Variants in RERE observed in about 807,000 individuals in gnomAD.
The protein encoded by RERE is arginine-glutamic acid dipeptide repeats, also known as arginine-glutamic acid dipeptide repeats protein.
In RERE, 40 loss-of-function variants were observed where a neutral mutation model predicts 146.1. That is an observed-to-expected ratio of 0.27 (90% CI 0.21 to 0.36). RERE has a LOEUF of 0.36. RERE is among the 10% of genes least tolerant of loss of function. The probability of loss-of-function intolerance (pLI) is 1.00; values close to 1 mark genes in which losing one functional copy is unlikely to be tolerated. For missense variants in RERE, 1,933 were observed against 2,138.7 expected, an observed-to-expected ratio of 0.90 and a Z score of 1.90; for synonymous variants, 1,003 against 866.0, an observed-to-expected ratio of 1.16 and a Z score of -2.78.
intron 1 of RERE, among the ~76,000 whole-genome samples, chr1:8,689,546 A>G (rs944047528): frequency 6.6e-6 from 1 of 152,166 alleles, no homozygotes; most frequent in African/African-American, 2.4e-5. Flanking sequence ...CTTCAAATCT[A>G]AACAGCAGGC....
intron 2 of RERE, among the ~76,000 whole-genome samples, chr1:8,626,950 C>G (rs1180720170): frequency 6.6e-6 from 1 of 152,196 alleles, no homozygotes; most frequent in Non-Finnish European, 1.5e-5. Context: ...TCTTAAGGCT[C>G]AAGTGACAAA....
Position 8,358,454 on chromosome 1 carries a change from G to A in RERE, c.4081C>T (p.Pro1361Ser), listed in dbSNP as rs772346972. 9.4e-6 allele frequency: 15 copies of A among 1,588,224 alleles called. No individual in the cohort carries two copies. Among genetic ancestry groups the A allele is most frequent in the Admixed American group, 5.1e-5 (3 of 58,562 alleles). The change falls in exon 20 of 23, where the codon CCC becomes TCC. Residue 1361 changes from proline (P) to serine (S), a missense_variant. Physicochemically the swap from Pro to Ser is moderately conservative, Grantham distance 74. Coordinates refer to ENST00000400908, the MANE Select transcript of RERE (RefSeq NM_001042681.2). ...SALTIPPTAG[P>S]HPFASFHPGL... ...GGGTGGAAAGAAGCAAAAGGGTGGG[G>A]CCCGGCGGTCGGGGGGATGGTGAGG... is the stretch of plus-strand genomic sequence containing the variant.
At chr1:8,380,340 CTTTT>C (rs34580017) in intron 12 of RERE, among the ~76,000 whole-genome samples, 165 of 142,286 alleles carry the variant, frequency 1.2e-3, no homozygotes, top group African/African-American at 4.0e-3. Context: ...AGTCAACAGG[CTTTT>C]TTTTTTTTTT....
intron 11 of RERE, among the ~76,000 whole-genome samples, chr1:8,447,677 G>A (rs956922859): frequency 6.6e-6 from 1 of 152,190 alleles, no homozygotes; most frequent in African/African-American, 2.4e-5. Flanking sequence ...TTTATGCAGA[G>A]GTAAAATCTA....
In RERE at chr1:8,534,076, C is replaced by T. The variant is rs1645692543; in HGVS notation, c.830+7138G>A. Among the ~76,000 whole-genome samples, 2 of 152,188 alleles carry T rather than the reference C, an allele frequency of 1.3e-5. 1 individual carries two copies. The highest frequency in any genetic ancestry group is 2.9e-5 in the Non-Finnish European group (2 of 68,032). ...AAATTTGTATCCAGCTCTAGCTGCT[C>T]ATCTTCAAAAGCTACACAAAGACCA... is the stretch of plus-strand genomic sequence containing the variant. On this transcript the variant is annotated intron_variant, in intron 7 of 22. Transcript: ENST00000400908.
chr1:8,524,238 T>TA (rs1204413513), intron 7 of RERE, among the ~76,000 whole-genome samples: 2 of 152,036 alleles, frequency 1.3e-5, no homozygotes, highest in African/African-American at 4.8e-5. Context: ...CTCACATGGG[T>TA]AAAAAAATTG....
chr1:8,632,624 G>A (rs1214413026), intron 2 of RERE, among the ~76,000 whole-genome samples: 1 of 152,208 alleles, frequency 6.6e-6, no homozygotes, highest in Non-Finnish European at 1.5e-5. Context: ...ATTAATGACA[G>A]TTAACTGTAG....
At chr1:8,808,691 T>C (rs970131423) in intron 1 of RERE, among the ~76,000 whole-genome samples, 2 of 141,694 alleles carry the variant, frequency 1.4e-5, no homozygotes, top group African/African-American at 6.3e-5. Flanking sequence ...AATAGCATAA[T>C]AGTTAGTTAA....
chr1:8,611,515 A>C (rs1220586849), intron 4 of RERE, among the ~76,000 whole-genome samples: 3 of 152,082 alleles, frequency 2.0e-5, no homozygotes, highest in Non-Finnish European at 1.5e-5. Context: ...AAACAAAAAC[A>C]ACAACAACAA....
chr1:8,417,073 C>T (rs1643796832), intron 12 of RERE, among the ~76,000 whole-genome samples: 1 of 152,164 alleles, frequency 6.6e-6, no homozygotes, highest in South Asian at 2.1e-4. Flanking sequence ...CATCAACCGA[C>T]TAAGGAAGTC....
intron 1 of RERE, among the ~76,000 whole-genome samples, chr1:8,718,606 G>A (rs1639805219): frequency 6.6e-6 from 1 of 152,156 alleles, no homozygotes; most frequent in Non-Finnish European, 1.5e-5. Context: ...TAAATGGTAG[G>A]TGACTCTCTT....
At chr1:8,523,400 C>T (rs912591851) in intron 7 of RERE, among the ~76,000 whole-genome samples, 2 of 152,182 alleles carry the variant, frequency 1.3e-5, no homozygotes, top group Non-Finnish European at 2.9e-5. Context: ...TTTTTTGAAA[C>T]ATCTACTTGC....
intron 12 of RERE, among the ~76,000 whole-genome samples, chr1:8,374,881 C>T (rs548457734): frequency 3.0e-4 from 46 of 152,332 alleles, no homozygotes; most frequent in South Asian, 1.2e-3. Context: ...ACCACCCCCA[C>T]CTCCTCCTCT....
chr1:8,660,756 G>A (rs1379381402), intron 1 of RERE, among the ~76,000 whole-genome samples: 1 of 152,198 alleles, frequency 6.6e-6, no homozygotes, highest in East Asian at 1.9e-4. Context: ...CAGTCGGAAA[G>A]CCAAAAACAT....
intron 19 of RERE, among the ~76,000 whole-genome samples, chr1:8,359,387 CTGCT>C (rs1188609484): frequency 1.3e-5 from 2 of 152,244 alleles, no homozygotes; most frequent in African/African-American, 4.8e-5. Context: ...CCCTCGCAGC[CTGCT>C]TATCGCCTGA....
At chr1:8,743,907 T>C (rs1425871683) in intron 1 of RERE, among the ~76,000 whole-genome samples, 1 of 152,192 alleles carries the variant, frequency 6.6e-6, no homozygotes, top group Non-Finnish European at 1.5e-5. Context: ...TATTTGTATA[T>C]TACTGTCTGT....
At chr1:8,588,270 T>C (rs1646451402) in intron 4 of RERE, among the ~76,000 whole-genome samples, 1 of 152,238 alleles carries the variant, frequency 6.6e-6, no homozygotes, top group Non-Finnish European at 1.5e-5. Flanking sequence ...AAGTAAATCA[T>C]TGAAAACTCT....
chr1:8,392,067 T>C lies in RERE; in HGVS notation c.1285-26093A>G, dbSNP rs562620134. 3.3e-5 allele frequency among the ~76,000 whole-genome samples: 5 copies of C among 152,372 alleles called. No homozygotes were observed. The South Asian group carries it at 6.2e-4, about 19-fold the overall frequency. On this transcript the variant is annotated intron_variant, in intron 12 of 22. Transcript: ENST00000400908. Reference sequence around the variant, plus strand: ...ATAAAATTCTAGAAACCAGGGAACATGTCTTTTGTTTATTGCTGCATTTCT... The same window carrying C: ...ATAAAATTCTAGAAACCAGGGAACACGTCTTTTGTTTATTGCTGCATTTCT...
intron 4 of RERE, among the ~76,000 whole-genome samples, chr1:8,567,213 T>C (rs1019585761): frequency 6.6e-6 from 1 of 152,194 alleles, no homozygotes; most frequent in African/African-American, 2.4e-5. Flanking sequence ...TAGAGGCTCA[T>C]TTTCAAAACC....
Sources: allele counts gnomAD v4.1 joint callset (sites outside exome capture counted in the v4.1 genomes callset), GRCh38; gene constraint gnomAD v4.1.1; transcripts MANE v1.5; gene names NCBI Gene and HGNC (gene_info 2026-07-23, HGNC 2026-07-21).